The following RARB variants were observed in gnomAD, a reference collection of about 807,000 sequenced individuals.
RARB encodes the protein HBV-activated protein.
Under a neutral mutation model 51.9 loss-of-function variants are expected in RARB, and 17 were observed. That is an observed-to-expected ratio of 0.33 (90% CI 0.22 to 0.49). RARB has a LOEUF of 0.49. RARB is among the 20% of genes least tolerant of loss of function. The pLI is 0.99. For synonymous variants in RARB, 215 were observed against 195.4 expected (o/e 1.10, Z -0.84); for missense variants, 369 against 550.8 (o/e 0.67, Z 3.30).
At chr3:24,905,817 T>A (rs1694850517) in intron 2 of RARB, among the ~76,000 whole-genome samples, 1 of 152,194 alleles carries the variant, frequency 6.6e-6, no homozygotes, top group East Asian at 1.9e-4. Context: ...GATTAATACC[T>A]ACTTACATAT....
At chr3:25,099,398 T>G (rs746771670) in intron 3 of RARB, among the ~76,000 whole-genome samples, 1 of 152,114 alleles carries the variant, frequency 6.6e-6, no homozygotes, top group Admixed American at 6.6e-5. Context: ...AAAATATTAA[T>G]GTAACAGAAT....
At chr3:25,123,833 T>C (rs952229363) in intron 3 of RARB, among the ~76,000 whole-genome samples, 3 of 152,196 alleles carry the variant, frequency 2.0e-5, no homozygotes, top group African/African-American at 7.2e-5. Flanking sequence ...CTATCTCTAA[T>C]GTTCTTCACG....
At chr3:25,175,699 T>G (rs1373448269) in intron 5 of RARB, among the ~76,000 whole-genome samples, 1 of 152,180 alleles carries the variant, frequency 6.6e-6, no homozygotes, top group Non-Finnish European at 1.5e-5. Context: ...GGATGTTGAT[T>G]GCAATCATAG....
intron 2 of RARB, among the ~76,000 whole-genome samples, chr3:24,931,130 T>C (rs902372144): frequency 6.6e-6 from 1 of 152,100 alleles, no homozygotes; most frequent in African/African-American, 2.4e-5. Flanking sequence ...TCACAGTCTA[T>C]ACTTTTAAGT....
At chr3:25,026,474 C>CT (rs1188231045) in intron 2 of RARB, among the ~76,000 whole-genome samples, 8 of 152,128 alleles carry the variant, frequency 5.3e-5, no homozygotes, top group African/African-American at 1.7e-4. Flanking sequence ...CTCACGTGGT[C>CT]TTTTTTCCTG....
chr3:25,001,176 GT>G (rs769045267), intron 2 of RARB, among the ~76,000 whole-genome samples: 1 of 152,010 alleles, frequency 6.6e-6, no homozygotes, highest in Non-Finnish European at 1.5e-5. Context: ...AGATGAGACA[GT>G]TTTTCTACTA....
At chr3:25,046,184 G>A (rs1186045730) in intron 2 of RARB, among the ~76,000 whole-genome samples, 1 of 152,204 alleles carries the variant, frequency 6.6e-6, no homozygotes, top group Non-Finnish European at 1.5e-5. Flanking sequence ...AAACCGCTGG[G>A]CCTGTTGGCC....
intron 4 of RARB, among the ~76,000 whole-genome samples, chr3:25,146,511 GTT>G (rs1197635626): frequency 0.035 from 4,761 of 134,476 alleles, 341 homozygotes; most frequent in African/African-American, 0.12. Flanking sequence ...TTGTTTGTTT[GTT>G]TTTTTTTTTT....
intron 4 of RARB, among the ~76,000 whole-genome samples, chr3:25,134,732 A>AT (rs146286902): frequency 0.068 from 10,312 of 152,062 alleles, 463 homozygotes; most frequent in Non-Finnish European, 0.1. Context: ...TGAGTGATTT[A>AT]TTTTTTCAAA....
intron 1 of RARB, among the ~76,000 whole-genome samples, chr3:25,438,025 C>G (rs1005076334): frequency 5.9e-5 from 9 of 152,314 alleles, no homozygotes; most frequent in Middle Eastern, 6.8e-3. Flanking sequence ...GCTGGGCAGA[C>G]CCTCTGCTCC....
intron 2 of RARB, among the ~76,000 whole-genome samples, chr3:24,953,603 TGATA>T (rs1695945580): frequency 1.3e-5 from 2 of 152,168 alleles, no homozygotes. Context: ...GATAACTGGA[TGATA>T]GATAGCTAGA....
intron 5 of RARB, among the ~76,000 whole-genome samples, chr3:25,211,862 A>G (rs887008258): frequency 1.3e-5 from 2 of 152,214 alleles, no homozygotes; most frequent in East Asian, 3.8e-4. Flanking sequence ...GATTTAAACA[A>G]TTACAAATCA....
intron 5 of RARB, among the ~76,000 whole-genome samples, chr3:25,262,800 G>C (rs1043607503): frequency 6.0e-4 from 92 of 152,250 alleles, no homozygotes; most frequent in African/African-American, 8.9e-4. Flanking sequence ...TTAGGAGGTA[G>C]GACTTGGACA....
Position 25,182,457 on chromosome 3 carries a change from T to C in RARB, c.178+7882T>C, listed in dbSNP as rs80100444. ...ATGGGGTTAGGAAGTAACCATCTAG[T>C]ACTTGCCTTCATTTCTTGATGTGTA... is the stretch of plus-strand genomic sequence containing the variant. On this transcript the variant is annotated intron_variant, in intron 5 of 11. Coordinates refer to the RARB transcript ENST00000383772. Among the ~76,000 whole-genome samples, 354 of 152,302 alleles carry C rather than the reference T, an allele frequency of 2.3e-3. 2 individuals carry two copies. The highest frequency in any genetic ancestry group is 0.02 in the East Asian group (104 of 5,162).
intron 1 of RARB, among the ~76,000 whole-genome samples, chr3:25,429,950 A>G (rs1708137667): frequency 6.6e-6 from 1 of 152,242 alleles, no homozygotes. Flanking sequence ...AAAGAGGTCA[A>G]AGTTTAACTG....
At chr3:25,069,879 T>C (rs1177246628) in intron 3 of RARB, among the ~76,000 whole-genome samples, 1 of 152,198 alleles carries the variant, frequency 6.6e-6, no homozygotes, top group East Asian at 1.9e-4. Context: ...CAATTACTCA[T>C]ATGAACCACA....
chr3:24,888,096 A>AT (rs1204544134), intron 2 of RARB, among the ~76,000 whole-genome samples: 2 of 152,166 alleles, frequency 1.3e-5, no homozygotes, highest in Non-Finnish European at 2.9e-5. Flanking sequence ...TTTTTGAGGG[A>AT]TAAAAAAACC....
At chr3:25,298,233 A>G (rs1267078510) in intron 5 of RARB, among the ~76,000 whole-genome samples, 7 of 151,120 alleles carry the variant, frequency 4.6e-5, no homozygotes, top group Non-Finnish European at 7.4e-5. Flanking sequence ...CCCAGGCTGA[A>G]GTGCAGTGGT....
chr3:24,996,770 C>T (rs560615089), intron 2 of RARB, among the ~76,000 whole-genome samples: 1 of 151,576 alleles, frequency 6.6e-6, no homozygotes, highest in African/African-American at 2.4e-5. Flanking sequence ...TTGAATGTTC[C>T]TCTTGTTGTT....
Sources: allele counts gnomAD v4.1 joint callset (sites outside exome capture counted in the v4.1 genomes callset), GRCh38; gene constraint gnomAD v4.1.1; transcripts MANE v1.5; gene names NCBI Gene and HGNC (gene_info 2026-07-23, HGNC 2026-07-21).